Variants in DTWD2 observed in about 807,000 individuals in gnomAD.
The protein encoded by DTWD2 is DTW motif tRNA-uridine aminocarboxypropyltransferase 2.
DTWD2 carries 39 observed loss-of-function variants against 31.8 expected under a neutral mutation model. The ratio of observed to expected loss-of-function variants is 1.22; its 90% CI spans 0.95 to 1.60. The LOEUF is 1.60. DTWD2 is among the 40% of genes most tolerant of loss of function. DTWD2 has a pLI of 0.00. For synonymous variants in DTWD2, 180 were observed against 142.8 expected (o/e 1.26, Z -1.86); for missense variants, 515 against 381.5 (o/e 1.35, Z -2.92).
At position 118,840,569 on chromosome 5, in the gene DTWD2, G is replaced by A. The variant is rs1199433523; in HGVS notation, c.*348C>T. Reference sequence around the variant, plus strand: ...CACCTAATTATTTATAAACATTAATGGACACAACACCGTTCCAATCCACTA... The same window carrying A: ...CACCTAATTATTTATAAACATTAATAGACACAACACCGTTCCAATCCACTA... On this transcript the variant is annotated 3_prime_UTR_variant, in exon 6 of 6. Transcript: ENST00000510708. 1 of 160,970 alleles carries A rather than the reference G, an allele frequency of 6.2e-6. No individual in the cohort carries two copies. The highest frequency in any genetic ancestry group is 1.3e-5 in the Non-Finnish European group (1 of 74,294). 10.0% of individuals were successfully genotyped at this position (160,970 alleles called of 1,614,324 possible).
intron 4 of DTWD2, among the ~76,000 whole-genome samples, chr5:118,851,388 T>C (rs1351168122): frequency 6.6e-6 from 1 of 151,744 alleles, no homozygotes; most frequent in African/African-American, 2.4e-5. Flanking sequence ...ACATCACATA[T>C]CGGTAGGACC....
At chr5:118,858,206 T>C (rs1752182511) in intron 4 of DTWD2, among the ~76,000 whole-genome samples, 1 of 152,160 alleles carries the variant, frequency 6.6e-6, no homozygotes, top group African/African-American at 2.4e-5. Context: ...TTAGAATGAC[T>C]GCAGAGCTTT....
chr5:118,958,628 A>C (rs1000694764), intron 1 of DTWD2, among the ~76,000 whole-genome samples: 4 of 152,046 alleles, frequency 2.6e-5, no homozygotes, highest in Non-Finnish European at 4.4e-5. Flanking sequence ...CCACGCACAT[A>C]AACTAGAAAA....
At chr5:118,870,600 A>C (rs1030662337) in intron 4 of DTWD2, among the ~76,000 whole-genome samples, 1 of 152,246 alleles carries the variant, frequency 6.6e-6, no homozygotes, top group Admixed American at 6.5e-5. Flanking sequence ...TTATGGCTAA[A>C]AAATGCTTAC....
At chr5:118,853,718 T>C (rs900261321) in intron 4 of DTWD2, among the ~76,000 whole-genome samples, 14 of 151,984 alleles carry the variant, frequency 9.2e-5, no homozygotes, top group Middle Eastern at 3.2e-3. Flanking sequence ...GAAATAAAGA[T>C]AGGACCCACA....
intron 4 of DTWD2, among the ~76,000 whole-genome samples, chr5:118,865,975 A>G (rs1189202992): frequency 6.6e-6 from 1 of 151,798 alleles, no homozygotes; most frequent in Non-Finnish European, 1.5e-5. Context: ...CCAAAGGTCT[A>G]AAAGAGGTAC....
chr5:118,963,626 G>C (rs1430662350), intron 1 of DTWD2, among the ~76,000 whole-genome samples: 1 of 152,184 alleles, frequency 6.6e-6, no homozygotes, highest in Non-Finnish European at 1.5e-5. Context: ...GAATTGAACA[G>C]ATGACAAAAT....
Position 118,836,149 on chromosome 5 carries a change from TA to T in DTWD2, c.*4767del, listed in dbSNP as rs1751556840. Among the ~76,000 whole-genome samples the T allele has an allele frequency of 6.6e-6, 1 of 152,230 alleles. No individual in the cohort carries two copies. The highest frequency in any genetic ancestry group is 2.1e-4 in the South Asian group (1 of 4,834). On this transcript the variant is annotated 3_prime_UTR_variant, in exon 6 of 6. Coordinates refer to ENST00000510708, the MANE Select transcript of DTWD2 (RefSeq NM_173666.4). ...CAGTAAGACATATAGTAAAATTTCT[TA>T]TTCGAATAATTTTTTTAAAAAACCT...
At chr5:118,987,367 C>T (rs947710167) in intron 1 of DTWD2, among the ~76,000 whole-genome samples, 1 of 152,148 alleles carries the variant, frequency 6.6e-6, no homozygotes, top group Non-Finnish European at 1.5e-5. Context: ...TACAATCCAG[C>T]CCTAGGAAAA....
chr5:118,885,425 C>G (rs1752839883), intron 4 of DTWD2, among the ~76,000 whole-genome samples: 1 of 144,162 alleles, frequency 6.9e-6, no homozygotes. Context: ...GCACTGCACT[C>G]CAGCCTGGGC....
intron 5 of DTWD2, among the ~76,000 whole-genome samples, chr5:118,846,273 TTAGTAG>T (rs538239557): frequency 6.6e-6 from 1 of 151,900 alleles, no homozygotes; most frequent in African/African-American, 2.4e-5. Context: ...ACCAGCAGAA[TTAGTAG>T]TAGTAGTAGT....
At chr5:118,904,067 A>C (rs189479960) in intron 4 of DTWD2, among the ~76,000 whole-genome samples, 1 of 152,204 alleles carries the variant, frequency 6.6e-6, no homozygotes, top group African/African-American at 2.4e-5. Flanking sequence ...TTCAATCAGA[A>C]AGACATTTAA....
intron 2 of DTWD2, among the ~76,000 whole-genome samples, chr5:118,940,539 T>C (rs1421564249): frequency 1.3e-5 from 2 of 152,218 alleles, no homozygotes; most frequent in East Asian, 3.8e-4. Flanking sequence ...ACAATATATG[T>C]TGTTTTTCTA....
intron 1 of DTWD2, among the ~76,000 whole-genome samples, chr5:118,950,264 T>TTG (rs1434365562): frequency 7.2e-6 from 1 of 138,644 alleles, no homozygotes; most frequent in Non-Finnish European, 1.6e-5. Context: ...GGCACCAGAG[T>TTG]TGGGGAGTTT....
rs555637221 is a variant in DTWD2, at chr5:118,863,096, T to C, written c.598-14878A>G. Among the ~76,000 whole-genome samples the C allele has an allele frequency of 3.3e-5, 5 of 152,344 alleles. No homozygotes were observed. In the South Asian group the frequency reaches 6.2e-4, roughly 19 times the overall value. ...TTTTTTCAAGCCACGTTTAGTAACATATTCTGTTATATATAGGCAATGGCA... is the reference window on the plus strand; with the variant it reads ...TTTTTTCAAGCCACGTTTAGTAACACATTCTGTTATATATAGGCAATGGCA... On this transcript the variant is annotated intron_variant, in intron 4 of 5. Coordinates refer to ENST00000510708, the MANE Select transcript of DTWD2 (RefSeq NM_173666.4).
At chr5:118,959,431 C>T (rs539163598) in intron 1 of DTWD2, among the ~76,000 whole-genome samples, 1 of 152,250 alleles carries the variant, frequency 6.6e-6, no homozygotes, top group Non-Finnish European at 1.5e-5. Flanking sequence ...TTACAAAGCA[C>T]TGCTCAAAGA....
chr5:118,905,662 A>T (rs529153378), intron 4 of DTWD2, among the ~76,000 whole-genome samples: 1 of 152,260 alleles, frequency 6.6e-6, no homozygotes, highest in South Asian at 2.1e-4. Context: ...TCGCCCTGGT[A>T]AGACTATTTT....
chr5:118,926,308 CA>C (rs1322023817), intron 4 of DTWD2, among the ~76,000 whole-genome samples: 1 of 152,052 alleles, frequency 6.6e-6, no homozygotes, highest in African/African-American at 2.4e-5. Context: ...AATGGAAAAC[CA>C]AATTCCGTTA....
intron 1 of DTWD2, among the ~76,000 whole-genome samples, chr5:118,956,584 A>C (rs72784039): frequency 0.17 from 25,178 of 152,222 alleles, 2,248 homozygotes; most frequent in Middle Eastern, 0.24. Context: ...TCAAAGCTTT[A>C]ATTAAATTTC....
Sources: allele counts gnomAD v4.1 joint callset (sites outside exome capture counted in the v4.1 genomes callset), GRCh38; gene constraint gnomAD v4.1.1; transcripts MANE v1.5; gene names NCBI Gene and HGNC (gene_info 2026-07-23, HGNC 2026-07-21).